Variants in PLEKHA2 observed in about 807,000 individuals in gnomAD.
PLEKHA2 encodes the protein pleckstrin homology domain-containing family A member 2.
PLEKHA2 carries 28 observed loss-of-function variants against 53.2 expected under a neutral mutation model. That is an observed-to-expected ratio of 0.53 (90% CI 0.39 to 0.72). The LOEUF is 0.72. PLEKHA2 is among the 30% of genes least tolerant of loss of function. The probability of loss-of-function intolerance (pLI) is 0.00; values close to 1 mark genes in which losing one functional copy is unlikely to be tolerated. For synonymous variants in PLEKHA2, 193 were observed against 196.4 expected (o/e 0.98, Z 0.14); for missense variants, 426 against 537.9 (o/e 0.79, Z 2.06).
intron 3 of PLEKHA2, among the ~76,000 whole-genome samples, chr8:38,938,087 A>G (rs942230113): frequency 6.6e-6 from 1 of 152,130 alleles, no homozygotes; most frequent in Non-Finnish European, 1.5e-5. Flanking sequence ...TTAAAGCTGC[A>G]CTTTGACCCC....
intron 1 of PLEKHA2, among the ~76,000 whole-genome samples, chr8:38,915,952 T>G (rs1834052903): frequency 6.6e-6 from 1 of 152,202 alleles, no homozygotes. Flanking sequence ...GCATTTATCC[T>G]TTGCGTTACA....
intron 1 of PLEKHA2, among the ~76,000 whole-genome samples, chr8:38,911,502 G>T (rs1378696996): frequency 6.6e-6 from 1 of 152,180 alleles, no homozygotes. Flanking sequence ...CTCCCAAAGT[G>T]CTGGGTTTAC....
At chr8:38,925,826 GT>G (rs1231716962) in intron 2 of PLEKHA2, among the ~76,000 whole-genome samples, 1 of 152,130 alleles carries the variant, frequency 6.6e-6, no homozygotes, top group African/African-American at 2.4e-5. Context: ...GAAAATTGGT[GT>G]TTTTTTAAAA....
intron 2 of PLEKHA2, among the ~76,000 whole-genome samples, chr8:38,925,393 T>G (rs1279178865): frequency 6.6e-6 from 1 of 152,202 alleles, no homozygotes; most frequent in African/African-American, 2.4e-5. Context: ...GCTAAGTAAT[T>G]GCAAGACCAA....
chr8:38,928,358 C>T (rs867644126), intron 2 of PLEKHA2, among the ~76,000 whole-genome samples: 17 of 150,330 alleles, frequency 1.1e-4, no homozygotes, highest in African/African-American at 3.9e-4. Context: ...AAGCGATTCT[C>T]CTACCGCAGC....
intron 10 of PLEKHA2, among the ~76,000 whole-genome samples, chr8:38,962,943 A>G (rs1186783944): frequency 1.3e-5 from 2 of 152,236 alleles, no homozygotes; most frequent in Non-Finnish European, 2.9e-5. Context: ...GGCTGTGTCT[A>G]GAGATGGCAC....
intron 1 of PLEKHA2, among the ~76,000 whole-genome samples, chr8:38,913,181 T>A (rs1833980551): frequency 6.6e-6 from 1 of 152,122 alleles, no homozygotes; most frequent in African/African-American, 2.4e-5. Flanking sequence ...CTGGCCAACA[T>A]GGCGAAAGCC....
intron 2 of PLEKHA2, among the ~76,000 whole-genome samples, chr8:38,919,963 G>C (rs2152368932): frequency 6.6e-6 from 1 of 152,034 alleles, no homozygotes; most frequent in South Asian, 2.1e-4. Context: ...CCTTTCCTTT[G>C]CTCTTTTCTT....
At chr8:38,967,522 G>A (rs1041777749) in intron 10 of PLEKHA2, among the ~76,000 whole-genome samples, 1 of 152,044 alleles carries the variant, frequency 6.6e-6, no homozygotes, top group African/African-American at 2.4e-5. Flanking sequence ...TCTGTTTTTT[G>A]TCCTAATAAT....
At chr8:38,939,703 G>C (rs1834564754) in intron 3 of PLEKHA2, among the ~76,000 whole-genome samples, 1 of 152,168 alleles carries the variant, frequency 6.6e-6, no homozygotes, top group African/African-American at 2.4e-5. Context: ...TCTCTAGTCA[G>C]TGACAAATAG....
At chr8:38,942,795 T>A (rs960838204) in intron 3 of PLEKHA2, among the ~76,000 whole-genome samples, 11 of 152,170 alleles carry the variant, frequency 7.2e-5, no homozygotes, top group African/African-American at 2.4e-4. Context: ...GGAGTGTACA[T>A]GCCAGGGGTA....
At chr8:38,954,092 A>G (rs1305006844) in intron 9 of PLEKHA2, among the ~76,000 whole-genome samples, 1 of 152,198 alleles carries the variant, frequency 6.6e-6, no homozygotes, top group Non-Finnish European at 1.5e-5. Context: ...CTTTAGAGAC[A>G]GGGTGTTTGT....
intron 2 of PLEKHA2, among the ~76,000 whole-genome samples, chr8:38,926,435 T>C (rs1379841107): frequency 6.6e-6 from 1 of 150,682 alleles, no homozygotes; most frequent in African/African-American, 2.4e-5. Context: ...GAGACTGAAG[T>C]GTAGTGTGCA....
intron 3 of PLEKHA2, among the ~76,000 whole-genome samples, chr8:38,942,849 A>T (rs963668457): frequency 1.3e-5 from 2 of 152,180 alleles, no homozygotes; most frequent in African/African-American, 4.8e-5. Context: ...GAGGTATAGA[A>T]ATACCTCCTC....
chr8:38,924,863 G>A (rs1022283334), intron 2 of PLEKHA2, among the ~76,000 whole-genome samples: 2 of 152,142 alleles, frequency 1.3e-5, no homozygotes, highest in African/African-American at 2.4e-5. Flanking sequence ...AAGGCTTCTC[G>A]TACAGGCAGT....
intron 3 of PLEKHA2, among the ~76,000 whole-genome samples, chr8:38,939,256 T>C (rs546194168): frequency 4.6e-5 from 7 of 152,336 alleles, no homozygotes; most frequent in Admixed American, 3.3e-4. Context: ...AATCATTTCA[T>C]TGTCCTCTTT....
intron 2 of PLEKHA2, among the ~76,000 whole-genome samples, chr8:38,934,827 TA>T (rs1275416707): frequency 5.9e-5 from 9 of 151,940 alleles, no homozygotes; most frequent in African/African-American, 1.7e-4. Flanking sequence ...TATATATATA[TA>T]TATTTTTATT....
intron 10 of PLEKHA2, among the ~76,000 whole-genome samples, chr8:38,957,734 A>G (rs974201451): frequency 6.6e-6 from 1 of 152,234 alleles, no homozygotes. Context: ...GTGTGTGGAC[A>G]TCACTGTGTG....
rs1835258977 is a variant in PLEKHA2 at position 38,971,966 on chromosome 8, A to T, written c.*2183A>T. On this transcript the variant is annotated 3_prime_UTR_variant, in exon 12 of 12. Transcript: ENST00000617275. ...CATCTCAAAAAAAAAATTATCTGAT[A>T]GGTTACTATTGCTAAATTAATTGGC... 6.6e-6 allele frequency: 1 copy of T among 152,140 alleles called. No homozygotes were observed. Among genetic ancestry groups the T allele is most frequent in the African/African-American group, 2.4e-5 (1 of 41,440 alleles). 9.4% of individuals were successfully genotyped at this position (152,140 alleles called of 1,614,324 possible). A position where few individuals can be genotyped will look rare whatever the true frequency, so the allele number is the denominator to read the frequency against.
Sources: allele counts gnomAD v4.1 joint callset (sites outside exome capture counted in the v4.1 genomes callset), GRCh38; gene constraint gnomAD v4.1.1; transcripts MANE v1.5; gene names NCBI Gene and HGNC (gene_info 2026-07-23, HGNC 2026-07-21).